The following ROBO2 variants were observed in gnomAD, a reference collection of about 807,000 sequenced individuals.
ROBO2 encodes the protein roundabout homolog 2.
ROBO2 carries 53 observed loss-of-function variants against 160.8 expected under a neutral mutation model. That is an observed-to-expected ratio of 0.33 (90% CI 0.26 to 0.41). ROBO2 has a LOEUF of 0.41. Ranked by LOEUF, ROBO2 falls within the 10% of genes least tolerant of loss-of-function variation. The pLI is 1.00. For missense variants in ROBO2, 1,577 were observed against 1,722.4 expected (o/e 0.92, Z 1.49); for synonymous variants, 664 against 611.7 (o/e 1.09, Z -1.26).
rs1040428672 is a variant in ROBO2, at chr3:76,768,580, A to G, written c.110-329434A>G. Among the ~76,000 whole-genome samples the G allele has an allele frequency of 2.0e-5, 3 of 151,312 alleles. No individual in the cohort carries two copies. The South Asian group carries it at 6.2e-4, about 31-fold the overall frequency. ...AACTATATACTGTATAGTAGATTGT[A>G]AAAATCACTTTCCATTTGAGATGAA... is the stretch of plus-strand genomic sequence containing the variant. On this transcript the variant is annotated intron_variant, in intron 2 of 26. Transcript: ENST00000487694.
intron 2 of ROBO2, among the ~76,000 whole-genome samples, chr3:76,500,561 T>G (rs1015192817): frequency 9.2e-5 from 14 of 152,146 alleles, no homozygotes; most frequent in African/African-American, 3.1e-4. Flanking sequence ...CTCCTTTCCT[T>G]AAAGAATAAA....
At chr3:76,851,763 A>AG (rs1278493893) in intron 2 of ROBO2, among the ~76,000 whole-genome samples, 1 of 143,398 alleles carries the variant, frequency 7.0e-6, no homozygotes, top group Non-Finnish European at 1.5e-5. Context: ...AAAAAAAAAA[A>AG]AATATTAACA....
intron 2 of ROBO2, among the ~76,000 whole-genome samples, chr3:76,386,926 T>C (rs2076919556): frequency 6.6e-6 from 1 of 152,220 alleles, no homozygotes; most frequent in South Asian, 2.1e-4. Flanking sequence ...AGACAAAAGA[T>C]ACCTTAAAAA....
rs71104616 is a variant in ROBO2 at position 76,735,786 on chromosome 3, A to AGGGGG, written c.110-362224_110-362223insGGGGG. 9.3e-3 allele frequency among the ~76,000 whole-genome samples: 1,175 copies of AGGGGG among 126,566 alleles called. 13 individuals carry two copies. The highest frequency in any genetic ancestry group is 0.017 in the South Asian group (67 of 3,930). 83.0% of individuals were successfully genotyped at this position (126,566 alleles called of 152,430 possible). ...AAAAAAAAAAAAAAAGAAAAAAAAA[A>AGGGGG]GGGGAAAGGGAAAAGAAAAAAGAAA... On this transcript the variant is annotated intron_variant, in intron 2 of 26. Transcript: ENST00000487694.
chr3:77,629,629 A>T (rs1014511939), intron 23 of ROBO2: 4 of 152,198 alleles, frequency 2.6e-5, no homozygotes, highest in African/African-American at 4.8e-5. Context: ...ATATCAAAGC[A>T]TAACCAATAC....
intron 2 of ROBO2, among the ~76,000 whole-genome samples, chr3:77,433,000 T>G (rs1027001089): frequency 5.3e-5 from 8 of 152,028 alleles, no homozygotes; most frequent in African/African-American, 1.7e-4. Context: ...ACCGCAGAGG[T>G]GAGGACATGG....
At chr3:76,823,634 G>C (rs567204162) in intron 2 of ROBO2, among the ~76,000 whole-genome samples, 12 of 152,194 alleles carry the variant, frequency 7.9e-5, no homozygotes, top group African/African-American at 2.6e-4. Context: ...CAAAGGATGT[G>C]AGGTATTAAA....
intron 2 of ROBO2, among the ~76,000 whole-genome samples, chr3:76,695,852 A>C (rs2092916145): frequency 6.6e-6 from 1 of 152,146 alleles, no homozygotes. Context: ...ATACCTAATC[A>C]CTATAATACA....
intron 1 of ROBO2, among the ~76,000 whole-genome samples, chr3:75,923,185 G>C (rs1947142325): frequency 6.6e-6 from 1 of 151,980 alleles, no homozygotes; most frequent in South Asian, 2.1e-4. Flanking sequence ...CATTTTTATT[G>C]GGAAGAGCTT....
intron 2 of ROBO2, among the ~76,000 whole-genome samples, chr3:76,327,967 T>A (rs748719622): frequency 3.0e-4 from 45 of 152,078 alleles, no homozygotes; most frequent in Non-Finnish European, 3.7e-4. Flanking sequence ...GAGGCATCAA[T>A]GAGACAGGGA....
intron 5 of ROBO2, among the ~76,000 whole-genome samples, chr3:77,511,005 G>A (rs927740161): frequency 7.9e-5 from 12 of 151,932 alleles, no homozygotes; most frequent in African/African-American, 1.2e-4. Context: ...TCAGGAAACA[G>A]GTAGTTTAGC....
chr3:76,026,187 A>G (rs2066739504), intron 2 of ROBO2, among the ~76,000 whole-genome samples: 2 of 151,912 alleles, frequency 1.3e-5, no homozygotes, highest in African/African-American at 4.8e-5. Flanking sequence ...AATGGTGATA[A>G]TCTCAAACAT....
intron 2 of ROBO2, among the ~76,000 whole-genome samples, chr3:76,907,498 TTC>T (rs2075683047): frequency 6.6e-6 from 1 of 152,184 alleles, no homozygotes; most frequent in Non-Finnish European, 1.5e-5. Context: ...CCCTCTTTCT[TTC>T]TCTCTCTTCT....
chr3:76,719,564 TTTG>T (rs1361627052), intron 2 of ROBO2, among the ~76,000 whole-genome samples: 1 of 152,202 alleles, frequency 6.6e-6, no homozygotes, highest in Non-Finnish European at 1.5e-5. Context: ...CGTTCTGAAT[TTTG>T]TTGTTAACAA....
intron 2 of ROBO2, among the ~76,000 whole-genome samples, chr3:76,335,178 G>GT (rs34963831): frequency 0.27 from 20,772 of 77,966 alleles, 2,966 homozygotes; most frequent in Non-Finnish European, 0.35. Context: ...TTTCTGTTTT[G>GT]TTTTTTTTTT....
intron 2 of ROBO2, among the ~76,000 whole-genome samples, chr3:76,426,477 G>A (rs1454805009): frequency 1.3e-5 from 2 of 152,078 alleles, no homozygotes; most frequent in African/African-American, 4.8e-5. Context: ...TAGATGGTAA[G>A]GAAGGCATGA....
intron 2 of ROBO2, among the ~76,000 whole-genome samples, chr3:76,479,632 A>AT (rs1290743019): frequency 6.6e-6 from 1 of 152,200 alleles, no homozygotes; most frequent in Non-Finnish European, 1.5e-5. Flanking sequence ...TCAGCAGAAG[A>AT]TAAAGGCTTT....
At chr3:76,684,059 A>C (rs1333256047) in intron 2 of ROBO2, among the ~76,000 whole-genome samples, 1 of 152,046 alleles carries the variant, frequency 6.6e-6, no homozygotes, top group African/African-American at 2.4e-5. Context: ...ATGATTGAAA[A>C]CGAATGTATA....
intron 2 of ROBO2, among the ~76,000 whole-genome samples, chr3:76,503,972 A>G (rs1001285280): frequency 1.3e-5 from 2 of 152,234 alleles, no homozygotes; most frequent in Non-Finnish European, 2.9e-5. Flanking sequence ...CATTATGTAG[A>G]TAACTAGAGT....
Sources: gnomAD v4.1 joint callset for allele counts (sites outside exome capture counted in the v4.1 genomes callset) on GRCh38, gnomAD v4.1.1 for gene constraint, MANE v1.5 for transcripts, NCBI Gene and HGNC (gene_info 2026-07-23, HGNC 2026-07-21) for gene names.